The following SGCG variants were observed in gnomAD, a reference collection of about 807,000 sequenced individuals.
The protein encoded by SGCG is sarcoglycan gamma.
Under a neutral mutation model 29.3 loss-of-function variants are expected in SGCG, and 26 were observed. That is an observed-to-expected ratio of 0.89 (90% CI 0.65 to 1.23). The LOEUF is 1.23. Ranked by LOEUF, SGCG falls within the 50% of genes most tolerant of loss-of-function variation. The pLI is 0.00. For synonymous variants in SGCG, 145 were observed against 129.7 expected (o/e 1.12, Z -0.80); for missense variants, 353 against 356.0 (o/e 0.99, Z 0.07).
chr13:23,227,402 T>A (rs752624523), intron 2 of SGCG, among the ~76,000 whole-genome samples: 5 of 151,740 alleles, frequency 3.3e-5, no homozygotes, highest in African/African-American at 4.8e-5. Flanking sequence ...CTTATGGGAA[T>A]GCAAAATGGT....
At chr13:23,319,148 A>G (rs543442467) in intron 6 of SGCG, among the ~76,000 whole-genome samples, 70 of 152,170 alleles carry the variant, frequency 4.6e-4, no homozygotes, top group African/African-American at 1.6e-3. Flanking sequence ...AAATACAAAA[A>G]TTAGCTGGAC....
At chr13:23,321,576 G>T (rs1883043597) in intron 7 of SGCG, among the ~76,000 whole-genome samples, 1 of 152,178 alleles carries the variant, frequency 6.6e-6, no homozygotes, top group Non-Finnish European at 1.5e-5. Flanking sequence ...CGTGGAGATG[G>T]CTCCTCAGTG....
intron 6 of SGCG, among the ~76,000 whole-genome samples, chr13:23,318,303 T>G (rs1882910403): frequency 6.6e-6 from 1 of 151,700 alleles, no homozygotes; most frequent in African/African-American, 2.4e-5. Context: ...CAAAGTCAAC[T>G]TCCAAGTCTT....
chr13:23,311,293 G>A (rs1206137027), intron 6 of SGCG, among the ~76,000 whole-genome samples: 1 of 152,164 alleles, frequency 6.6e-6, no homozygotes, highest in African/African-American at 2.4e-5. Flanking sequence ...CACGGTGTCT[G>A]GTATGTGTTA....
the SGCG span, among the ~76,000 whole-genome samples, chr13:23,166,320 C>A: frequency 6.6e-6 from 1 of 152,022 alleles, no homozygotes; most frequent in South Asian, 2.1e-4. Context: ...CTCAGTCTCC[C>A]GAGTAGCTGG....
At chr13:23,179,366 T>A (rs1876657329), upstream of SGCG, among the ~76,000 whole-genome samples, 1 of 152,190 alleles carries the variant, frequency 6.6e-6, no homozygotes, top group Non-Finnish European at 1.5e-5. Flanking sequence ...ATCAAACACA[T>A]CACCTGACTA....
intron 4 of SGCG, among the ~76,000 whole-genome samples, chr13:23,277,071 G>A (rs1593214441): frequency 6.6e-6 from 1 of 152,240 alleles, no homozygotes; most frequent in East Asian, 1.9e-4. Flanking sequence ...TGGATTTGCT[G>A]CTCAGACTTA....
At chr13:23,266,288 C>T (rs1249417175) in intron 4 of SGCG, among the ~76,000 whole-genome samples, 1 of 139,458 alleles carries the variant, frequency 7.2e-6, no homozygotes, top group Non-Finnish European at 1.6e-5. Context: ...AAAAAAAGTG[C>T]TATATCACAT....
intron 4 of SGCG, among the ~76,000 whole-genome samples, chr13:23,260,824 G>T (rs556498670): frequency 6.6e-6 from 1 of 151,864 alleles, no homozygotes; most frequent in East Asian, 1.9e-4. Flanking sequence ...TGAAATTCTG[G>T]GTTGAAAATT....
rs573490265 is a variant in SGCG, at chr13:23,316,481, C to T, written c.579-4156C>T. ...TCCTGAAGCAGCTAGATTGATAGAACGGTGGAATGTTCTTTTAAAGTCACA... is the reference window on the plus strand; with the variant it reads ...TCCTGAAGCAGCTAGATTGATAGAATGGTGGAATGTTCTTTTAAAGTCACA... On this transcript the variant is annotated intron_variant, in intron 6 of 7. Coordinates refer to ENST00000218867, the MANE Select transcript of SGCG (RefSeq NM_000231.3). Among the ~76,000 whole-genome samples, 31 of 152,260 alleles carry T rather than the reference C, an allele frequency of 2.0e-4. 1 individual carries two copies. The highest frequency in any genetic ancestry group is 6.5e-4 in the African/African-American group (27 of 41,546).
intron 6 of SGCG, among the ~76,000 whole-genome samples, chr13:23,306,581 C>T (rs1882368884): frequency 6.6e-6 from 1 of 152,136 alleles, no homozygotes; most frequent in Admixed American, 6.5e-5. Flanking sequence ...TACAAGTGAT[C>T]ACTGAAGTGA....
intron 1 of SGCG, among the ~76,000 whole-genome samples, chr13:23,203,122 G>A (rs570440602): frequency 7.9e-5 from 12 of 152,126 alleles, no homozygotes; most frequent in Admixed American, 7.9e-4. Context: ...ACCATGCCTG[G>A]CTAATTTTTT....
At chr13:23,242,806 A>G (rs1389450786) in intron 3 of SGCG, among the ~76,000 whole-genome samples, 1 of 152,184 alleles carries the variant, frequency 6.6e-6, no homozygotes, top group Non-Finnish European at 1.5e-5. Flanking sequence ...ATTTTGTGCT[A>G]TCTATAACTT....
Position 23,203,832 on chromosome 13 carries a change from C to T in SGCG, c.138C>T (p.Ile46=), listed in dbSNP as rs1329079936. 6.2e-7 allele frequency: 1 copy of T among 1,613,936 alleles called. No individual in the cohort carries two copies. The highest frequency in any genetic ancestry group is 8.5e-7 in the Non-Finnish European group (1 of 1,179,904). Residue 46 remains isoleucine (I), a synonymous_variant, in exon 2 of 8, where the codon ATC becomes ATT. Transcript: ENST00000218867. ...TGTTTGTTCTTCTTTTACTCATCATCCTCGTTGTGAATTTAGCTCTTACAA... is the reference window on the plus strand; with the variant it reads ...TGTTTGTTCTTCTTTTACTCATCATTCTCGTTGTGAATTTAGCTCTTACAA... ...LYLFVLLLLI[I]LVVNLALTIW... is the part of the protein sequence containing the mutation.
intron 6 of SGCG, among the ~76,000 whole-genome samples, chr13:23,299,444 A>ATTTTTTTT (rs1566037511): frequency 5.3e-4 from 3 of 5,630 alleles, no homozygotes; most frequent in Non-Finnish European, 6.7e-4. Flanking sequence ...ATATATATAT[A>ATTTTTTTT]TATATATATA....
intron 4 of SGCG, among the ~76,000 whole-genome samples, chr13:23,265,298 G>A (rs1036409449): frequency 2.0e-5 from 3 of 152,160 alleles, no homozygotes; most frequent in African/African-American, 7.2e-5. Context: ...AGGCAAAGGG[G>A]CCGGGCACAG....
chr13:23,300,911 C>G (rs951059680), intron 6 of SGCG, among the ~76,000 whole-genome samples: 5 of 150,854 alleles, frequency 3.3e-5, no homozygotes, highest in African/African-American at 1.2e-4. Flanking sequence ...GTCAGGAGAT[C>G]AAGACCATCC....
intron 4 of SGCG, among the ~76,000 whole-genome samples, chr13:23,257,971 C>T (rs1014966818): frequency 3.9e-5 from 6 of 152,150 alleles, no homozygotes; most frequent in East Asian, 3.8e-4. Flanking sequence ...AGTTTGAAGT[C>T]AGGTAGGGTG....
At chr13:23,212,313 A>C (rs1878256163) in intron 2 of SGCG, among the ~76,000 whole-genome samples, 1 of 152,040 alleles carries the variant, frequency 6.6e-6, no homozygotes, top group African/African-American at 2.4e-5. Flanking sequence ...TATCTTGATC[A>C]CCTCTGGTCT....
Sources: allele counts gnomAD v4.1 joint callset (sites outside exome capture counted in the v4.1 genomes callset), GRCh38; gene constraint gnomAD v4.1.1; transcripts MANE v1.5; gene names NCBI Gene and HGNC (gene_info 2026-07-23, HGNC 2026-07-21).